The following TARP variants were observed in gnomAD, a reference collection of about 807,000 sequenced individuals.
the TARP span, among the ~76,000 whole-genome samples, chr7:38,262,640 TTTTGTTTG>T: frequency 9.3e-5 from 14 of 151,326 alleles, no homozygotes; most frequent in East Asian, 5.8e-4. Flanking sequence ...ATTAATTTTG[TTTTGTTTG>T]TTTGTTTGTT....
chr7:38,271,399 GC>G, the TARP span, among the ~76,000 whole-genome samples: 1 of 151,304 alleles, frequency 6.6e-6, no homozygotes. Flanking sequence ...ATGGGGAGGT[GC>G]CTTATGTATG....
the TARP span, among the ~76,000 whole-genome samples, chr7:38,268,661 C>T: frequency 6.6e-6 from 1 of 150,924 alleles, no homozygotes; most frequent in Admixed American, 6.6e-5. Flanking sequence ...CATAGAACAA[C>T]AAAAATAAAA....
chr7:38,261,014 C>T, the TARP span, among the ~76,000 whole-genome samples: 6 of 151,792 alleles, frequency 4.0e-5, no homozygotes, highest in African/African-American at 1.5e-4. Context: ...ATGCCCTATG[C>T]CAGACATCTC....
At chr7:38,263,355 C>T in the TARP span, among the ~76,000 whole-genome samples, 1 of 151,824 alleles carries the variant, frequency 6.6e-6, no homozygotes, top group Admixed American at 6.6e-5. Flanking sequence ...AGTATTCAGA[C>T]AGTAGTTGTA....
chr7:38,264,672 T>C, the TARP span, among the ~76,000 whole-genome samples: 1 of 151,752 alleles, frequency 6.6e-6, no homozygotes, highest in South Asian at 2.1e-4. Context: ...TCCTGTATAA[T>C]ATTCACTGCC....
the TARP span, chr7:38,265,420 C>CTG: frequency 6.2e-7 from 1 of 1,612,232 alleles, no homozygotes; most frequent in Non-Finnish European, 8.5e-7. Context: ...GACGATACAT[C>CTG]TGTGTTCTTT....
the TARP span, chr7:38,265,473 G>A: frequency 6.2e-7 from 1 of 1,611,692 alleles, no homozygotes; most frequent in Admixed American, 1.7e-5. Context: ...TAAATTTCAT[G>A]TATGTGTCGT....
chr7:38,270,383 C>T, the TARP span, among the ~76,000 whole-genome samples: 7 of 151,738 alleles, frequency 4.6e-5, no homozygotes, highest in South Asian at 2.1e-4. Flanking sequence ...GGCTTTCACA[C>T]GCCCAATCTT....
the TARP span, among the ~76,000 whole-genome samples, chr7:38,261,526 C>A: frequency 2.0e-5 from 3 of 151,198 alleles, no homozygotes; most frequent in African/African-American, 7.3e-5. Flanking sequence ...AAGACTAAAA[C>A]AAAACAACTC....
the TARP span, among the ~76,000 whole-genome samples, chr7:38,263,349 T>C: frequency 6.6e-6 from 1 of 151,990 alleles, no homozygotes; most frequent in South Asian, 2.1e-4. Context: ...AGAGCCAGTA[T>C]TCAGACAGTA....
the TARP span, among the ~76,000 whole-genome samples, chr7:38,265,040 CG>C: frequency 6.6e-6 from 1 of 151,136 alleles, no homozygotes; most frequent in Non-Finnish European, 1.5e-5. Flanking sequence ...CCACGTGTCA[CG>C]TTGCTAGATG....
At chr7:38,262,246 A>C in the TARP span, 2 of 1,556,210 alleles carry the variant, frequency 1.3e-6, no homozygotes, top group African/African-American at 1.4e-5. Context: ...AGTACTAGTC[A>C]ATTGTTCGTG....
At chr7:38,264,320 C>T in the TARP span, among the ~76,000 whole-genome samples, 1 of 151,792 alleles carries the variant, frequency 6.6e-6, no homozygotes, top group African/African-American at 2.4e-5. Flanking sequence ...AGGCTGGGCA[C>T]AGTGGCTGAC....
At chr7:38,261,453 C>A in the TARP span, among the ~76,000 whole-genome samples, 6 of 151,402 alleles carry the variant, frequency 4.0e-5, no homozygotes, top group African/African-American at 1.5e-4. Context: ...ACAGCCCAAG[C>A]CCTTCTGTGT....
the TARP span, among the ~76,000 whole-genome samples, chr7:38,260,809 T>A: frequency 6.6e-6 from 1 of 151,878 alleles, no homozygotes; most frequent in Non-Finnish European, 1.5e-5. Context: ...GATGTGTCCG[T>A]GACTCCCTGC....
At chr7:38,266,432 A>G in the TARP span, among the ~76,000 whole-genome samples, 1 of 151,748 alleles carries the variant, frequency 6.6e-6, no homozygotes, top group South Asian at 2.1e-4. Flanking sequence ...TCAGCCTCCC[A>G]AGTAGCTGGG....
At chr7:38,271,308 G>A in the TARP span, among the ~76,000 whole-genome samples, 303 of 151,250 alleles carry the variant, frequency 2.0e-3, no homozygotes, top group Non-Finnish European at 3.5e-3. Context: ...TCTGTGATAG[G>A]GACACCTACA....
At chr7:38,267,871 G>T in the TARP span, among the ~76,000 whole-genome samples, 66 of 151,218 alleles carry the variant, frequency 4.4e-4, no homozygotes, top group Admixed American at 7.3e-4. Flanking sequence ...TTGTACTAAA[G>T]AAATTAAAAA....
At chr7:38,267,061 A>T in the TARP span, among the ~76,000 whole-genome samples, 5 of 151,678 alleles carry the variant, frequency 3.3e-5, no homozygotes, top group Non-Finnish European at 7.4e-5. Context: ...GTTTTATATA[A>T]ATTTACCCCA....
Sources: allele counts gnomAD v4.1 joint callset (sites outside exome capture counted in the v4.1 genomes callset), GRCh38; gene constraint gnomAD v4.1.1; transcripts MANE v1.5.